UNC80: variants seen among roughly 807,000 people sequenced by gnomAD.
The protein encoded by UNC80 is unc-80 subunit of NALCN channel complex, also known as protein unc-80 homolog.
In UNC80, 164 loss-of-function variants were observed where a neutral mutation model predicts 384.6. The observed-to-expected ratio is 0.43, with a 90% CI of 0.38 to 0.49. The LOEUF (loss-of-function observed/expected upper bound fraction) is 0.49. Ranked by LOEUF, UNC80 falls within the 20% of genes least tolerant of loss-of-function variation. The pLI is 0.00. For missense variants in UNC80, 3,330 were observed against 4,143.0 expected, an observed-to-expected ratio of 0.80 and a Z score of 5.39; for synonymous variants, 1,486 against 1,527.8, an observed-to-expected ratio of 0.97 and a Z score of 0.64.
In UNC80 at chr2:209,917,774, T is replaced by C; in HGVS notation, c.5030-3T>C. On this transcript the variant is annotated splice_polypyrimidine_tract_variant and splice_region_variant and intron_variant, in intron 31 of 64. Transcript: ENST00000673920. ...TAGCTGATGAATTGTTGACTGTCTC[T>C]AGCTGCCATGTTCCTGCTGTGTGCA... The C allele has an allele frequency of 6.4e-7, 1 of 1,551,888 alleles. No individual in the cohort carries two copies. Among genetic ancestry groups the C allele is most frequent in the Non-Finnish European group, 8.7e-7 (1 of 1,146,974 alleles).
intron 61 of UNC80, among the ~76,000 whole-genome samples, chr2:209,988,106 CT>C (rs1380518508): frequency 2.0e-5 from 3 of 152,102 alleles, no homozygotes; most frequent in Non-Finnish European, 4.4e-5. Context: ...AAACAATAAT[CT>C]TTTATTGAGA....
chr2:209,827,753 C>T (rs1156923384), intron 14 of UNC80, among the ~76,000 whole-genome samples: 1 of 152,118 alleles, frequency 6.6e-6, no homozygotes, highest in Non-Finnish European at 1.5e-5. Context: ...ACTTAAAATA[C>T]TAAGAATATT....
intron 28 of UNC80, among the ~76,000 whole-genome samples, chr2:209,902,626 T>G (rs1047409141): frequency 2.0e-5 from 3 of 152,176 alleles, no homozygotes; most frequent in African/African-American, 7.2e-5. Context: ...GCCCTCAATA[T>G]CAAGACCCTC....
chr2:209,814,277 C>T (rs1029529659), intron 8 of UNC80, among the ~76,000 whole-genome samples: 4 of 151,930 alleles, frequency 2.6e-5, no homozygotes, highest in Non-Finnish European at 5.9e-5. Flanking sequence ...GCTCTGTCGC[C>T]CAGGCTGGGG....
At chr2:209,903,969 C>G (rs1219655495) in intron 28 of UNC80, among the ~76,000 whole-genome samples, 1 of 152,064 alleles carries the variant, frequency 6.6e-6, no homozygotes, top group Non-Finnish European at 1.5e-5. Context: ...TGGAAGCATT[C>G]AGAAGATACT....
At chr2:209,993,223 A>G (rs2125033564) in intron 62 of UNC80, 92 bp from the exon 63 acceptor site, 3 of 957,420 alleles carry the variant, frequency 3.1e-6, no homozygotes, top group South Asian at 1.7e-5. Context: ...AGGAACAACC[A>G]TAAGAATCCA....
intron 6 of UNC80, among the ~76,000 whole-genome samples, chr2:209,792,905 ATC>A (rs1438937973): frequency 6.6e-6 from 1 of 152,196 alleles, no homozygotes; most frequent in African/African-American, 2.4e-5. Context: ...AATTTTTTAA[ATC>A]TCTAAATCAC....
rs899877954 is a variant in UNC80 at position 209,872,126 on chromosome 2, G to A, written c.3628-632G>A. Among the ~76,000 whole-genome samples, 1 of 151,920 alleles carries A rather than the reference G, an allele frequency of 6.6e-6. No individual in the cohort carries two copies. The highest frequency in any genetic ancestry group is 2.4e-5 in the African/African-American group (1 of 41,348). The stretch of plus-strand genomic sequence containing the variant: ...CAAGCCTCAGCCTCCTGAGTAGCTG[G>A]GACTACAAGCACGCTCCACCATGCC... On this transcript the variant is annotated intron_variant, in intron 22 of 64. Transcript: ENST00000673920. This position sits in a 1 kb window ranked among gnomAD's most constrained non-coding sequence, Gnocchi z 4.1.
chr2:209,930,627 G>A lies in UNC80; in HGVS notation c.5908-341G>A, dbSNP rs41432449. Among the ~76,000 whole-genome samples, 1,284 of 152,146 alleles carry A rather than the reference G, an allele frequency of 8.4e-3. 19 individuals are homozygous for A. The highest frequency in any genetic ancestry group is 0.029 in the African/African-American group (1,218 of 41,492). ...CAACATAGGTCCTCCTCATAGTCCC[G>A]TCATATCAGGCTACCATGGCCAATA... is the stretch of plus-strand genomic sequence containing the variant. On this transcript the variant is annotated intron_variant, in intron 37 of 64. Transcript: ENST00000673920.
intron 18 of UNC80, among the ~76,000 whole-genome samples, chr2:209,837,973 G>A (rs554665370): frequency 5.3e-4 from 81 of 151,986 alleles, no homozygotes; most frequent in African/African-American, 1.7e-3. Flanking sequence ...GGGTTTCGCC[G>A]TGTTAGCCAG....
intron 40 of UNC80, among the ~76,000 whole-genome samples, chr2:209,936,527 G>A (rs1394392595): frequency 6.6e-6 from 1 of 151,984 alleles, no homozygotes; most frequent in Non-Finnish European, 1.5e-5. Flanking sequence ...TACATCTTTG[G>A]GCACTATGAG....
At chr2:209,984,292 G>A (rs1021689155) in intron 60 of UNC80, among the ~76,000 whole-genome samples, 2 of 152,130 alleles carry the variant, frequency 1.3e-5, no homozygotes, top group South Asian at 2.1e-4. Flanking sequence ...TCTTCCTTCC[G>A]TTTGTTTACT....
At chr2:209,969,946 G>T in intron 53 of UNC80, 55 bp downstream of exon 53, 1 of 1,539,132 alleles carries the variant, frequency 6.5e-7, no homozygotes, top group South Asian at 1.2e-5. Context: ...CTCTGCTATT[G>T]ACTTCTCTGA....
intron 51 of UNC80, among the ~76,000 whole-genome samples, chr2:209,966,062 A>G (rs1193977454): frequency 6.6e-6 from 1 of 152,120 alleles, no homozygotes; most frequent in Non-Finnish European, 1.5e-5. Context: ...TTCCTAGGTA[A>G]CATTAGGCCT....
chr2:209,953,791 A>T (rs956756931), intron 47 of UNC80, among the ~76,000 whole-genome samples: 1 of 152,144 alleles, frequency 6.6e-6, no homozygotes, highest in Non-Finnish European at 1.5e-5. Flanking sequence ...CTCTAGATGG[A>T]CTATATAGCT....
intron 35 of UNC80, among the ~76,000 whole-genome samples, chr2:209,924,559 A>G (rs1218392829): frequency 6.6e-6 from 1 of 152,078 alleles, no homozygotes. Context: ...TTAGCCAAAC[A>G]TGAGAGATGA....
intron 22 of UNC80, among the ~76,000 whole-genome samples, chr2:209,866,544 A>C (rs1456179253): frequency 1.3e-5 from 2 of 150,758 alleles, no homozygotes. Flanking sequence ...AGAGAGAGAG[A>C]GAGAGAGAGA....
At chr2:209,953,877 T>C (rs1350619883) in intron 47 of UNC80, among the ~76,000 whole-genome samples, 3 of 152,224 alleles carry the variant, frequency 2.0e-5, no homozygotes, top group African/African-American at 7.2e-5. Context: ...AGATCACATG[T>C]TTCCTTAAGG....
intron 38 of UNC80, among the ~76,000 whole-genome samples, chr2:209,931,274 C>T (rs985251376): frequency 3.3e-5 from 5 of 151,656 alleles, no homozygotes; most frequent in Non-Finnish European, 7.4e-5. Flanking sequence ...CAATATATAA[C>T]TTTCTTATGT....
Sources: gnomAD v4.1 joint callset for allele counts (sites outside exome capture counted in the v4.1 genomes callset) on GRCh38, gnomAD v4.1.1 for gene constraint, Gnocchi (gnomAD v3.1) non-coding constraint, MANE v1.5 for transcripts, NCBI Gene and HGNC (gene_info 2026-07-23, HGNC 2026-07-21) for gene names.